BDH1: variants seen among roughly 807,000 people sequenced by gnomAD.
BDH1 encodes the protein D-beta-hydroxybutyrate dehydrogenase, mitochondrial.
Under a neutral mutation model 33.1 loss-of-function variants are expected in BDH1, and 30 were observed. That is an observed-to-expected ratio of 0.91 (90% CI 0.68 to 1.23). BDH1 has a LOEUF of 1.23. Among genes scored for constraint, BDH1 ranks in the 50% most tolerant of loss-of-function variants. The pLI, the probability that BDH1 is intolerant of heterozygous loss-of-function variation, is 0.00. For synonymous variants in BDH1, 190 were observed against 183.6 expected, an observed-to-expected ratio of 1.03 and a Z score of -0.28; for missense variants, 443 against 464.4, an observed-to-expected ratio of 0.95 and a Z score of 0.42.
At chr3:197,545,469 C>A (rs1715996852) in intron 3 of BDH1, among the ~76,000 whole-genome samples, 1 of 152,218 alleles carries the variant, frequency 6.6e-6, no homozygotes, top group Non-Finnish European at 1.5e-5. Flanking sequence ...TCTTGCCACA[C>A]AAACCCAAAC....
In BDH1 at chr3:197,525,680, A is replaced by G. The variant is rs1373389933; in HGVS notation, c.268-2899T>C. On this transcript the variant is annotated intron_variant, in intron 5 of 7. Coordinates refer to ENST00000392379, the MANE Select transcript of BDH1 (RefSeq NM_203314.3). This position sits in a 1 kb window ranked among gnomAD's most constrained non-coding sequence, Gnocchi z 4.9. ...CCCTGCTCCTGACAACCACGCCAAT[A>G]GGGACAGAAACTACCAATTTGCCCC... Among the ~76,000 whole-genome samples, 2 of 152,198 alleles carry G rather than the reference A, an allele frequency of 1.3e-5. No homozygotes were observed. Among genetic ancestry groups the G allele is most frequent in the Admixed American group, 1.3e-4 (2 of 15,280 alleles).
chr3:197,551,594 T>C (rs2108764379), intron 2 of BDH1, among the ~76,000 whole-genome samples: 1 of 152,278 alleles, frequency 6.6e-6, no homozygotes, highest in South Asian at 2.1e-4. Flanking sequence ...TACCCAGCAG[T>C]GGCACTGCTG....
In BDH1 at chr3:197,533,530, T is replaced by C. The variant is rs1714890390; in HGVS notation, c.115A>G (p.Ile39Val). 1.9e-6 allele frequency: 3 copies of C among 1,614,106 alleles called. No individual in the cohort carries two copies. The highest frequency in any genetic ancestry group is 2.5e-6 in the Non-Finnish European group (3 of 1,180,012). The change falls in exon 4 of 8, where the codon ATC (isoleucine) becomes GTC (valine). Residue 39 changes from isoleucine to valine, a missense_variant. Physicochemically the swap from Ile to Val is conservative, Grantham distance 29. Coordinates refer to ENST00000392379, the MANE Select transcript of BDH1 (RefSeq NM_203314.3). ...RPLLLGSTSF[I>V]PIGRRTYASA... is the part of the protein sequence containing the mutation. ...GCATAAGTCCGACGGCCAATCGGGA[T>C]AAAGGAAGTAGAACCAAGCAATAGT...
At chr3:197,570,060 T>G (rs1469320536) in intron 1 of BDH1, among the ~76,000 whole-genome samples, 2 of 152,208 alleles carry the variant, frequency 1.3e-5, no homozygotes, top group African/African-American at 4.8e-5. Context: ...TGAGGTGGTC[T>G]TAGATGGAGA....
intron 2 of BDH1, among the ~76,000 whole-genome samples, chr3:197,547,565 A>G (rs1160085982): frequency 6.6e-6 from 1 of 152,244 alleles, no homozygotes; most frequent in African/African-American, 2.4e-5. Context: ...CTCTGGTGTT[A>G]CCTTTCCAGA....
chr3:197,511,761 GT>G lies in BDH1; in HGVS notation c.*133del. ...GCAAAGAAGTCATTCCCTCTAGTTA[GT>G]GTTAAAACCAGTTATGGGTCTTCCT... is the stretch of plus-strand genomic sequence containing the variant. On this transcript the variant is annotated 3_prime_UTR_variant, in exon 8 of 8. Coordinates refer to ENST00000392379, the MANE Select transcript of BDH1 (RefSeq NM_203314.3). 1.2e-6 allele frequency: 1 copy of G among 856,944 alleles called. No homozygotes were observed. Among genetic ancestry groups the G allele is most frequent in the South Asian group, 1.9e-5 (1 of 53,936 alleles). The allele number at this position is 856,944 out of a possible 1,614,324, so 53.1% of individuals were successfully genotyped here. A position where few individuals can be genotyped will look rare whatever the true frequency, so the allele number is the denominator to read the frequency against.
chr3:197,515,782 T>C, intron 6 of BDH1: 2 of 940,896 alleles, frequency 2.1e-6, no homozygotes, highest in South Asian at 9.8e-5. Flanking sequence ...CGGGCACCTG[T>C]AGTCCCAGCT....
At chr3:197,550,032 T>A (rs1168758098) in intron 2 of BDH1, among the ~76,000 whole-genome samples, 1 of 150,538 alleles carries the variant, frequency 6.6e-6, no homozygotes, top group Non-Finnish European at 1.5e-5. Flanking sequence ...TGCTTGAAAG[T>A]TCCAACCCAG....
chr3:197,570,637 C>T (rs1717577218), intron 1 of BDH1, among the ~76,000 whole-genome samples: 6 of 152,240 alleles, frequency 3.9e-5, no homozygotes, highest in Admixed American at 3.3e-4. Context: ...GACTTGGCAG[C>T]TTCCATGTGG....
chr3:197,512,006 G>A lies in BDH1; in HGVS notation c.921C>T (p.Thr307=), dbSNP rs1284895764. The A allele has an allele frequency of 7.4e-6, 12 of 1,613,746 alleles. No individual in the cohort carries two copies. Among genetic ancestry groups the A allele is most frequent in the African/African-American group, 1.3e-5 (1 of 74,880 alleles). The part of the protein sequence containing the change: ...PVIDAVTHAL[T]ATTPYTRYHP... Reference sequence around the variant, plus strand: ...GGTAGCGGGTGTAGGGGGTGGTGGCGGTCAGGGCGTGTGTGACAGCATCGA... The same window carrying A: ...GGTAGCGGGTGTAGGGGGTGGTGGCAGTCAGGGCGTGTGTGACAGCATCGA... Residue 307 remains threonine, a synonymous_variant, in exon 8 of 8, where the codon ACC becomes ACT. Coordinates refer to ENST00000392379, the MANE Select transcript of BDH1 (RefSeq NM_203314.3).
At chr3:197,573,260 C>T (rs140167119) in exon 1 of BDH1, 4 of 152,328 alleles carry the variant, frequency 2.6e-5, no homozygotes, top group Non-Finnish European at 5.9e-5. Context: ...TCTTAATTCT[C>T]AGTTGACAGG....
chr3:197,514,335 A>C lies in BDH1; in HGVS notation c.491T>G (p.Val164Gly). Reference sequence around the variant, plus strand: ...TGTGCCCCAAAGGTTCACTTCTGCCACCTGCTTGTAGGTCTCCAGGCTGGT... The same window carrying C: ...TGTGCCCCAAAGGTTCACTTCTGCCCCCTGCTTGTAGGTCTCCAGGCTGGT... Reference protein sequence around the residue: ...EFTSLETYKQVAEVNLWGTVR... With the variant: ...EFTSLETYKQGAEVNLWGTVR... The change falls in exon 7 of 8, where the codon GTG becomes GGG. Residue 164 changes from valine (V) to glycine (G), a missense_variant. Coordinates refer to ENST00000392379, the MANE Select transcript of BDH1 (RefSeq NM_203314.3). The surrounding 1 kb of genome is among the most constrained non-coding windows in gnomAD (Gnocchi z 4.2). The C allele has an allele frequency of 1.2e-6, 2 of 1,613,868 alleles. No homozygotes were observed. The highest frequency in any genetic ancestry group is 1.7e-6 in the Non-Finnish European group (2 of 1,179,894).
At chr3:197,562,099 G>C (rs1007927868) in intron 1 of BDH1, among the ~76,000 whole-genome samples, 4 of 152,198 alleles carry the variant, frequency 2.6e-5, no homozygotes, top group Non-Finnish European at 4.4e-5. Flanking sequence ...GGCTTTGGGG[G>C]AACCAGAGAT....
rs142646864 is a variant in BDH1, at chr3:197,551,792, C to G, written c.-44+2770G>C. Among the ~76,000 whole-genome samples the G allele has an allele frequency of 3.1e-3, 472 of 152,262 alleles. 1 individual carries two copies. The highest frequency in any genetic ancestry group is 0.011 in the African/African-American group (447 of 41,552). On this transcript the variant is annotated intron_variant, in intron 2 of 7. Coordinates refer to ENST00000392379, the MANE Select transcript of BDH1 (RefSeq NM_203314.3). The stretch of plus-strand genomic sequence containing the variant: ...CACTGGAACCTGTGCTTCCCCCATT[C>G]CACTCCTCTTCTGTCCTTCCCCAAG...
intron 4 of BDH1, 142 bp from the exon 5 acceptor site, chr3:197,532,664 G>A (rs1714778192): frequency 1.6e-6 from 1 of 630,054 alleles, no homozygotes; most frequent in African/African-American, 1.8e-5. Context: ...CTTGTTGTCT[G>A]GAGAAGCACC....
chr3:197,558,432 A>G (rs1580010879), upstream of BDH1, among the ~76,000 whole-genome samples: 2 of 152,166 alleles, frequency 1.3e-5, no homozygotes, highest in East Asian at 3.9e-4. Flanking sequence ...CAGCTCCTAA[A>G]ATGATAGCAT....
chr3:197,552,664 C>T (rs75804028), intron 2 of BDH1, among the ~76,000 whole-genome samples: 1 of 152,320 alleles, frequency 6.6e-6, no homozygotes, highest in East Asian at 1.9e-4. Flanking sequence ...AAAATGTTTA[C>T]TAAGACATTC....
At chr3:197,556,088 C>G, upstream of BDH1, 1 of 152,224 alleles carries the variant, frequency 6.6e-6, no homozygotes, top group Admixed American at 6.5e-5. Flanking sequence ...GCCCAAGGTG[C>G]CCTGATCGCT....
intron 3 of BDH1, among the ~76,000 whole-genome samples, chr3:197,540,439 G>A (rs62282555): frequency 0.25 from 36,359 of 145,994 alleles, 5,134 homozygotes; most frequent in African/African-American, 0.41. Context: ...GGAGGCTGAG[G>A]CGGGCAGACA....
Sources: gnomAD v4.1 joint callset for allele counts (sites outside exome capture counted in the v4.1 genomes callset) on GRCh38, gnomAD v4.1.1 for gene constraint, Gnocchi (gnomAD v3.1) non-coding constraint, MANE v1.5 for transcripts, NCBI Gene and HGNC (gene_info 2026-07-23, HGNC 2026-07-21) for gene names.